The following WDR25 variants were observed in gnomAD, a reference collection of about 807,000 sequenced individuals.
WDR25 encodes WD repeat-containing protein 25.
In WDR25, 35 loss-of-function variants were observed where a neutral mutation model predicts 47.7. The observed-to-expected ratio is 0.73, with a 90% CI of 0.56 to 0.97. The LOEUF is 0.97. WDR25 is among the 50% of genes least tolerant of loss of function. The pLI is 0.00. For missense variants in WDR25, 634 were observed against 704.7 expected, an observed-to-expected ratio of 0.90 and a Z score of 1.14; for synonymous variants, 248 against 278.9, an observed-to-expected ratio of 0.89 and a Z score of 1.10.
intron 4 of WDR25, among the ~76,000 whole-genome samples, chr14:100,517,180 A>G (rs1342127852): frequency 6.8e-6 from 1 of 146,504 alleles, no homozygotes; most frequent in Admixed American, 6.9e-5. Flanking sequence ...CAGTGGCACA[A>G]TCTCGGCTCA....
intron 4 of WDR25, among the ~76,000 whole-genome samples, chr14:100,494,135 TGCA>T (rs1051379439): frequency 3.9e-5 from 6 of 152,378 alleles, no homozygotes; most frequent in African/African-American, 1.4e-4. Flanking sequence ...CACAGCTTAC[TGCA>T]GCCTCAATGT....
intron 4 of WDR25, among the ~76,000 whole-genome samples, chr14:100,505,525 C>T (rs1411421276): frequency 2.0e-5 from 3 of 152,186 alleles, no homozygotes; most frequent in Non-Finnish European, 4.4e-5. Flanking sequence ...GTTTAAGCCT[C>T]AAACTTTGCT....
At position 100,440,021 on chromosome 14, in the gene WDR25, T is replaced by C. The variant is rs985457940; in HGVS notation, c.823-28000T>C. Among the ~76,000 whole-genome samples, 2 of 152,176 alleles carry C rather than the reference T, an allele frequency of 1.3e-5. No homozygotes were observed. The highest frequency in any genetic ancestry group is 2.9e-5 in the Non-Finnish European group (2 of 68,010). ...GTCCACTTGTCAAGGAAAGGATCCATTGTTAAGAAACAAACATGGGAAACT... is the reference window on the plus strand; with the variant it reads ...GTCCACTTGTCAAGGAAAGGATCCACTGTTAAGAAACAAACATGGGAAACT... On this transcript the variant is annotated intron_variant, in intron 2 of 6. Coordinates refer to ENST00000402312, the MANE Select transcript of WDR25 (RefSeq NM_001161476.3). The surrounding 1 kb of genome is among the most constrained non-coding windows in gnomAD (Gnocchi z 4.4).
chr14:100,519,703 G>GTA (rs1227826156), intron 4 of WDR25, among the ~76,000 whole-genome samples: 2 of 139,698 alleles, frequency 1.4e-5, no homozygotes, highest in East Asian at 2.1e-4. Context: ...TCTATATATA[G>GTA]TATATATAGT....
chr14:100,465,168 G>T (rs555635341), intron 2 of WDR25, among the ~76,000 whole-genome samples: 110 of 147,426 alleles, frequency 7.5e-4, no homozygotes, highest in South Asian at 2.8e-3. Context: ...TTTTTTCTTT[G>T]TGTGTGTGTG....
In WDR25 at chr14:100,449,451, T is replaced by G. The variant is rs1427179080; in HGVS notation, c.823-18570T>G. Among the ~76,000 whole-genome samples, 1 of 152,198 alleles carries G rather than the reference T, an allele frequency of 6.6e-6. No individual in the cohort carries two copies. Among genetic ancestry groups the G allele is most frequent in the East Asian group, 1.9e-4 (1 of 5,174 alleles). ...ACTTTCTGAGAGTGGTCACCTCTATTCCGGGGCCCTGCCCTGGCTGGCTGT... is the reference window on the plus strand; with the variant it reads ...ACTTTCTGAGAGTGGTCACCTCTATGCCGGGGCCCTGCCCTGGCTGGCTGT... On this transcript the variant is annotated intron_variant, in intron 2 of 6. Transcript: ENST00000402312. The surrounding 1 kb of genome is among the most constrained non-coding windows in gnomAD (Gnocchi z 4.2).
intron 4 of WDR25, chr14:100,504,697 G>A (rs1901053314): frequency 6.6e-6 from 1 of 152,230 alleles, no homozygotes; most frequent in Non-Finnish European, 1.5e-5. Context: ...TTCATGAACA[G>A]GTCTGTATGT....
chr14:100,453,777 C>CT (rs1463549775), intron 2 of WDR25, among the ~76,000 whole-genome samples: 1 of 152,238 alleles, frequency 6.6e-6, no homozygotes, highest in African/African-American at 2.4e-5. Context: ...TCTCCACACT[C>CT]TCTTCAGCCC....
intron 4 of WDR25, among the ~76,000 whole-genome samples, chr14:100,509,749 G>A (rs953884142): frequency 4.6e-5 from 7 of 152,154 alleles, no homozygotes; most frequent in African/African-American, 1.4e-4. Flanking sequence ...ATAGTTTTGG[G>A]CTTCATATTA....
intron 2 of WDR25, among the ~76,000 whole-genome samples, chr14:100,429,834 G>A (rs1312667419): frequency 6.6e-5 from 10 of 152,012 alleles, no homozygotes; most frequent in Admixed American, 5.9e-4. Context: ...CAGGGAATTG[G>A]GGCAGGGAGA....
At chr14:100,473,993 A>C (rs1485220752) in intron 3 of WDR25, among the ~76,000 whole-genome samples, 2 of 152,232 alleles carry the variant, frequency 1.3e-5, no homozygotes, top group Non-Finnish European at 2.9e-5. Flanking sequence ...CTTGAGTCCT[A>C]GGGACTGTTG....
intron 2 of WDR25, among the ~76,000 whole-genome samples, chr14:100,382,901 A>G (rs1165310699): frequency 2.0e-5 from 3 of 152,226 alleles, no homozygotes; most frequent in African/African-American, 7.2e-5. Flanking sequence ...TGTGAGAAAA[A>G]TGCTGAAAAA....
rs1411582622 is a variant in WDR25, at chr14:100,502,989, G to A, written c.1101+18865G>A. ...TCTGTATGTGTGTCGGTGCATGTGT[G>A]TGTGTCCATCCATGCATGTGTGTGT... On this transcript the variant is annotated intron_variant, in intron 4 of 6. Transcript: ENST00000402312. The surrounding 1 kb of genome is among the most constrained non-coding windows in gnomAD (Gnocchi z 4.5). Among the ~76,000 whole-genome samples, 1 of 151,992 alleles carries A rather than the reference G, an allele frequency of 6.6e-6. No homozygotes were observed. The highest frequency in any genetic ancestry group is 6.5e-5 in the Admixed American group (1 of 15,270).
At chr14:100,441,994 A>C (rs1020861689) in intron 2 of WDR25, among the ~76,000 whole-genome samples, 2 of 152,206 alleles carry the variant, frequency 1.3e-5, no homozygotes, top group African/African-American at 4.8e-5. Flanking sequence ...CAGAGAGAAG[A>C]TCTGACACCA....
intron 2 of WDR25, among the ~76,000 whole-genome samples, chr14:100,400,474 C>A (rs1897352688): frequency 6.6e-6 from 1 of 152,178 alleles, no homozygotes; most frequent in African/African-American, 2.4e-5. Context: ...AATAGCCCAG[C>A]AAGGAAGAGT....
chr14:100,388,618 C>T (rs1897070847), intron 2 of WDR25, among the ~76,000 whole-genome samples: 1 of 152,126 alleles, frequency 6.6e-6, no homozygotes, highest in Admixed American at 6.5e-5. Context: ...TTTGACACTC[C>T]TCCTCCCCCA....
At chr14:100,470,771 A>G (rs996710317) in intron 3 of WDR25, among the ~76,000 whole-genome samples, 1 of 152,120 alleles carries the variant, frequency 6.6e-6, no homozygotes, top group Admixed American at 6.5e-5. Context: ...CTGCGTTTGG[A>G]GAACAGCTTG....
At chr14:100,389,964 T>C (rs1345164666) in intron 2 of WDR25, among the ~76,000 whole-genome samples, 1 of 152,240 alleles carries the variant, frequency 6.6e-6, no homozygotes, top group Admixed American at 6.5e-5. Flanking sequence ...TGTCCCTGGA[T>C]TGAGCGTCTC....
chr14:100,441,868 A>G (rs886309809), intron 2 of WDR25, among the ~76,000 whole-genome samples: 1 of 151,722 alleles, frequency 6.6e-6, no homozygotes, highest in South Asian at 2.1e-4. Flanking sequence ...CTGCATGCCA[A>G]GCGCTGGGCT....
Sources: allele counts gnomAD v4.1 joint callset (sites outside exome capture counted in the v4.1 genomes callset), GRCh38; gene constraint gnomAD v4.1.1; non-coding constraint Gnocchi (gnomAD v3.1); transcripts MANE v1.5; gene names NCBI Gene and HGNC (gene_info 2026-07-23, HGNC 2026-07-21).